Variants in RMP64 observed in about 807,000 individuals in gnomAD.
RMP64 encodes ribonuclease MRP subunit p64.
chr3:113,019,603 C>A, the RMP64 span: 3 of 1,613,874 alleles, frequency 1.9e-6, no homozygotes, highest in African/African-American at 1.3e-5. Flanking sequence ...TAGGGATTCT[C>A]ACACGGTTCC....
chr3:113,006,013 G>C, the RMP64 span: 1 of 1,579,606 alleles, frequency 6.3e-7, no homozygotes, highest in African/African-American at 1.4e-5. Flanking sequence ...AACTTTAAAA[G>C]ACAGAGAGAG....
At chr3:113,014,162 T>C in the RMP64 span, 2 of 580,788 alleles carry the variant, frequency 3.4e-6, no homozygotes, top group South Asian at 2.3e-5. Context: ...GAATACCTTA[T>C]TTTTTTTCAG....
At chr3:113,005,714 C>A in the RMP64 span, 1 of 1,614,082 alleles carries the variant, frequency 6.2e-7, no homozygotes, top group Admixed American at 1.7e-5. Flanking sequence ...TGAAACTCCA[C>A]TATTCAAGAG....
At chr3:113,006,271 G>A in the RMP64 span, among the ~76,000 whole-genome samples, 1,046 of 152,244 alleles carry the variant, frequency 6.9e-3, 13 homozygotes, top group African/African-American at 0.024. Flanking sequence ...GCTGAATGGC[G>A]AGATACCCTA....
the RMP64 span, among the ~76,000 whole-genome samples, chr3:113,018,630 G>T: frequency 6.6e-6 from 1 of 152,148 alleles, no homozygotes; most frequent in African/African-American, 2.4e-5. Context: ...GGCTTTACCA[G>T]CCCAACCGGA....
chr3:113,008,133 G>C, the RMP64 span: 1 of 1,584,256 alleles, frequency 6.3e-7, no homozygotes, highest in South Asian at 1.1e-5. Context: ...AACAACAACA[G>C]AAAAAGTAAA....
chr3:113,013,439 TAAAA>T, the RMP64 span: 1 of 1,419,348 alleles, frequency 7.0e-7, no homozygotes, highest in Non-Finnish European at 9.5e-7. Flanking sequence ...TACTTTCACT[TAAAA>T]AAAAAGGGTT....
the RMP64 span, chr3:113,005,387 T>C: frequency 6.6e-6 from 4 of 609,950 alleles, no homozygotes; most frequent in East Asian, 2.7e-5. Context: ...ACTTTAAATG[T>C]AGACTGAACT....
At chr3:113,018,750 A>C in the RMP64 span, among the ~76,000 whole-genome samples, 1 of 152,076 alleles carries the variant, frequency 6.6e-6, no homozygotes. Context: ...CAGTGTTCCA[A>C]ATGCTTTCTC....
At chr3:113,006,141 A>C in the RMP64 span, 1 of 654,084 alleles carries the variant, frequency 1.5e-6, no homozygotes, top group Non-Finnish European at 2.6e-6. Context: ...CCAGAACCAC[A>C]TCGAAAAATT....
chr3:113,016,538 A>C, the RMP64 span, among the ~76,000 whole-genome samples: 1 of 152,176 alleles, frequency 6.6e-6, no homozygotes, highest in Non-Finnish European at 1.5e-5. Flanking sequence ...AGGGTTAGCA[A>C]GCTTGCTTTT....
chr3:113,012,500 G>T, the RMP64 span: 1 of 346,964 alleles, frequency 2.9e-6, no homozygotes, highest in Non-Finnish European at 5.2e-6. Context: ...GATTTTTTTA[G>T]TTGTTCAGTG....
At chr3:113,005,763 T>C in the RMP64 span, 1 of 1,613,926 alleles carries the variant, frequency 6.2e-7, no homozygotes, top group Non-Finnish European at 8.5e-7. Flanking sequence ...CTATGCACAG[T>C]ACAGTGTGAG....
the RMP64 span, among the ~76,000 whole-genome samples, chr3:113,007,901 G>A: frequency 2.0e-5 from 3 of 152,298 alleles, no homozygotes; most frequent in Middle Eastern, 3.4e-3. Flanking sequence ...CAGCACACTA[G>A]ACACTCTTAA....
At chr3:113,013,482 T>C in the RMP64 span, 4 of 1,228,504 alleles carry the variant, frequency 3.3e-6, no homozygotes, top group African/African-American at 3.1e-5. Flanking sequence ...TTTTTACATT[T>C]ACCAGTTTAT....
the RMP64 span, among the ~76,000 whole-genome samples, chr3:113,007,374 G>A: frequency 4.6e-5 from 7 of 151,796 alleles, no homozygotes; most frequent in African/African-American, 1.7e-4. Flanking sequence ...TTTTCAATAC[G>A]TGGTTCATCC....
the RMP64 span, among the ~76,000 whole-genome samples, chr3:113,019,330 C>G: frequency 6.6e-6 from 1 of 152,240 alleles, no homozygotes; most frequent in African/African-American, 2.4e-5. Context: ...CCTGGGTTAG[C>G]ACAGCTGGTT....
the RMP64 span, chr3:113,019,385 A>G: frequency 3.2e-6 from 2 of 617,288 alleles, no homozygotes; most frequent in South Asian, 3.9e-5. Flanking sequence ...CTACACCAGC[A>G]AAGTGCTGGG....
the RMP64 span, chr3:113,004,356 C>T: frequency 6.6e-6 from 1 of 152,154 alleles, no homozygotes; most frequent in African/African-American, 2.4e-5. Context: ...TTTAGCAACC[C>T]ACCAGGTGAT....
Sources: allele counts gnomAD v4.1 joint callset (sites outside exome capture counted in the v4.1 genomes callset), GRCh38; gene constraint gnomAD v4.1.1; transcripts MANE v1.5; gene names NCBI Gene and HGNC (gene_info 2026-07-23, HGNC 2026-07-21).